Variants in MYLK observed in about 807,000 individuals in gnomAD.
MYLK encodes myosin light chain kinase, also known as myosin light chain kinase, smooth muscle.
A neutral mutation model predicts 203.4 loss-of-function variants in MYLK; 106 were observed. The ratio of observed to expected loss-of-function variants is 0.52; its 90% CI spans 0.45 to 0.61. The LOEUF (loss-of-function observed/expected upper bound fraction) is 0.61, where lower values mean the gene tolerates loss of function less well. Among genes scored for constraint, MYLK ranks in the 20% least tolerant of loss-of-function variants. The pLI, the probability that MYLK is intolerant of heterozygous loss-of-function variation, is 0.00. For missense variants in MYLK, 2,072 were observed against 2,442.3 expected (o/e 0.85, Z 3.20); for synonymous variants, 867 against 959.5 (o/e 0.90, Z 1.78).
chr3:123,865,331 T>C (rs765942516), intron 2 of MYLK, among the ~76,000 whole-genome samples: 2 of 152,212 alleles, frequency 1.3e-5, no homozygotes, highest in African/African-American at 4.8e-5. Flanking sequence ...TCTATCTCCA[T>C]ACTCATGTCT....
At chr3:123,773,371 CTT>C (rs2063950674) in intron 4 of MYLK, among the ~76,000 whole-genome samples, 1 of 152,098 alleles carries the variant, frequency 6.6e-6, no homozygotes, top group African/African-American at 2.4e-5. Flanking sequence ...TATGTCAAAA[CTT>C]TTAAAGTAAG....
At chr3:123,647,845 C>A (rs1435111275) in intron 26 of MYLK, among the ~76,000 whole-genome samples, 1 of 152,130 alleles carries the variant, frequency 6.6e-6, no homozygotes, top group Non-Finnish European at 1.5e-5. Flanking sequence ...AGCCACCACA[C>A]CTGGCCTTTG....
chr3:123,845,130 G>A (rs1382720355), intron 2 of MYLK, among the ~76,000 whole-genome samples: 1 of 152,154 alleles, frequency 6.6e-6, no homozygotes, highest in Non-Finnish European at 1.5e-5. Flanking sequence ...CTGGGTTCTA[G>A]TCCTTTTTGC....
chr3:123,779,718 C>G (rs991610207), intron 4 of MYLK, among the ~76,000 whole-genome samples: 2 of 152,214 alleles, frequency 1.3e-5, no homozygotes, highest in Non-Finnish European at 2.9e-5. Context: ...ACTATCAGGA[C>G]ATAAGTCTCT....
chr3:123,649,196 T>TG lies in MYLK; in HGVS notation c.4289-3dup, dbSNP rs41431347. On this transcript the variant is annotated splice_polypyrimidine_tract_variant and splice_region_variant and intron_variant, in intron 24 of 33. Transcript: ENST00000360304. ...ACACCTCCACTTCATCCTTCGGCTC[T>TG]GGGGGGGGCACAAGGAAGGACAGAG... The TG allele has an allele frequency of 0.038, 60,555 of 1,605,586 alleles. 1,233 individuals are homozygous for TG. The highest frequency in any genetic ancestry group is 0.064 in the Middle Eastern group (305 of 4,756).
At chr3:123,649,253 T>G in intron 24 of MYLK, 59 bp from the exon 25 acceptor site, 1 of 1,607,654 alleles carries the variant, frequency 6.2e-7, no homozygotes, top group Non-Finnish European at 8.5e-7. Flanking sequence ...GAAGGCCCAC[T>G]GAGAGCAAGA....
chr3:123,826,618 C>T (rs1191538607), intron 3 of MYLK, among the ~76,000 whole-genome samples: 1 of 152,240 alleles, frequency 6.6e-6, no homozygotes, highest in African/African-American at 2.4e-5. Flanking sequence ...TCTGCATGCT[C>T]ATGCTCCTGG....
chr3:123,820,620 TTCCTTCCTTCCTTCCTTCCTTCCC>T (rs1157583947), intron 3 of MYLK, among the ~76,000 whole-genome samples: 7 of 134,860 alleles, frequency 5.2e-5, no homozygotes, highest in Non-Finnish European at 8.5e-5. Context: ...ATTTCCTTCC[TTCCTTCCTTCCTTCCTTCCTTCCC>T]TCCTTCCTTC....
chr3:123,834,249 T>C (rs2066420179), intron 2 of MYLK, among the ~76,000 whole-genome samples: 1 of 152,168 alleles, frequency 6.6e-6, no homozygotes, highest in Non-Finnish European at 1.5e-5. Context: ...TTTCACCATG[T>C]TGGCTAGGCT....
At chr3:123,617,282 C>T (rs1366001876) in intron 33 of MYLK, 1 of 152,104 alleles carries the variant, frequency 6.6e-6, no homozygotes, top group Non-Finnish European at 1.5e-5. Flanking sequence ...AAATGATAAT[C>T]ATTATGTTAT....
intron 19 of MYLK, among the ~76,000 whole-genome samples, chr3:123,688,449 G>C (rs756861032): frequency 6.6e-6 from 1 of 152,002 alleles, no homozygotes; most frequent in Non-Finnish European, 1.5e-5. Flanking sequence ...CAGCCAAAGA[G>C]GTTATGAATC....
chr3:123,741,586 G>A (rs1018939583), intron 5 of MYLK, among the ~76,000 whole-genome samples: 6 of 152,204 alleles, frequency 3.9e-5, no homozygotes, highest in African/African-American at 1.4e-4. Flanking sequence ...ATACTTGAGT[G>A]AGGAAAAATC....
intron 2 of MYLK, among the ~76,000 whole-genome samples, chr3:123,843,136 T>C (rs2066633384): frequency 6.6e-6 from 1 of 152,240 alleles, no homozygotes; most frequent in African/African-American, 2.4e-5. Context: ...AGTAATTCAA[T>C]AGCTCAAGTC....
chr3:123,840,369 A>G (rs973839279), intron 2 of MYLK, among the ~76,000 whole-genome samples: 1 of 38,292 alleles, frequency 2.6e-5, no homozygotes, highest in Non-Finnish European at 4.3e-5. Flanking sequence ...TCCTACAGAC[A>G]TTATATATAT....
intron 19 of MYLK, among the ~76,000 whole-genome samples, chr3:123,692,012 C>T (rs940595734): frequency 4.6e-5 from 7 of 152,194 alleles, no homozygotes; most frequent in Non-Finnish European, 8.8e-5. Context: ...CGAGGTTCAT[C>T]CTACTTCTCA....
chr3:123,666,098 C>T (rs2059724626), intron 22 of MYLK, 121 bp downstream of exon 22: 17 of 1,509,096 alleles, frequency 1.1e-5, no homozygotes, highest in Non-Finnish European at 1.6e-5. Context: ...GTGGCCTCTC[C>T]CATTTCTAAA....
intron 19 of MYLK, chr3:123,691,155 T>C (rs562307000): frequency 6.6e-6 from 1 of 152,180 alleles, no homozygotes; most frequent in African/African-American, 2.4e-5. Flanking sequence ...CGGGAACCAG[T>C]GTGAGTCCCA....
At chr3:123,777,275 G>A (rs1043791274) in intron 4 of MYLK, among the ~76,000 whole-genome samples, 1 of 152,206 alleles carries the variant, frequency 6.6e-6, no homozygotes, top group African/African-American at 2.4e-5. Context: ...CTCAGCTATG[G>A]GGCCTAGAGA....
chr3:123,629,892 G>A lies in MYLK; in HGVS notation c.4962-266C>T. ...GGTTGGCTTTAGATTACGGGCTTCT[G>A]CAGGGTACGCGGCAGGGCTGATAAG... is the stretch of plus-strand genomic sequence containing the variant. On this transcript the variant is annotated intron_variant, in intron 29 of 33. Coordinates refer to ENST00000360304, the MANE Select transcript of MYLK (RefSeq NM_053025.4). This position sits in a 1 kb window ranked among gnomAD's most constrained non-coding sequence, Gnocchi z 4.4. 3 of 501,126 alleles carry A rather than the reference G, an allele frequency of 6.0e-6. No homozygotes were observed. Among genetic ancestry groups the A allele is most frequent in the Non-Finnish European group, 1.1e-5 (3 of 274,536 alleles). The allele number at this position is 501,126 out of a possible 1,614,324, so 31.0% of individuals were successfully genotyped here. A position where few individuals can be genotyped will look rare whatever the true frequency, so the allele number is the denominator to read the frequency against.
Sources: gnomAD v4.1 joint callset for allele counts (sites outside exome capture counted in the v4.1 genomes callset) on GRCh38, gnomAD v4.1.1 for gene constraint, Gnocchi (gnomAD v3.1) non-coding constraint, MANE v1.5 for transcripts, NCBI Gene and HGNC (gene_info 2026-07-23, HGNC 2026-07-21) for gene names.